The following TRAPPC9 variants were observed in gnomAD, a reference collection of about 807,000 sequenced individuals.
TRAPPC9 encodes the protein IKK2 binding protein.
TRAPPC9 carries 83 observed loss-of-function variants against 124.0 expected under a neutral mutation model. The ratio of observed to expected loss-of-function variants is 0.67; its 90% CI spans 0.56 to 0.80. The LOEUF is 0.80. TRAPPC9 is among the 30% of genes least tolerant of loss of function. The probability of loss-of-function intolerance (pLI) is 0.00; values close to 1 mark genes in which losing one functional copy is unlikely to be tolerated. For synonymous variants in TRAPPC9, 638 were observed against 617.5 expected, an observed-to-expected ratio of 1.03 and a Z score of -0.49; for missense variants, 1,302 against 1,508.3, an observed-to-expected ratio of 0.86 and a Z score of 2.27.
At chr8:140,217,638 G>A (rs1055448905) in intron 17 of TRAPPC9, among the ~76,000 whole-genome samples, 1 of 152,140 alleles carries the variant, frequency 6.6e-6, no homozygotes, top group Non-Finnish European at 1.5e-5. Context: ...AATTCCCGGG[G>A]CCTGCCTGTG....
chr8:140,093,536 C>T (rs1297045206), intron 17 of TRAPPC9, among the ~76,000 whole-genome samples: 9 of 152,042 alleles, frequency 5.9e-5, no homozygotes, highest in Non-Finnish European at 8.8e-5. Flanking sequence ...GGCATGATGG[C>T]GTGTGCCTGT....
intron 19 of TRAPPC9, among the ~76,000 whole-genome samples, chr8:139,948,273 A>G (rs1426784655): frequency 1.3e-5 from 2 of 151,524 alleles, no homozygotes; most frequent in African/African-American, 4.8e-5. Context: ...ACACACACAC[A>G]CACACACACA....
At chr8:139,792,346 G>C (rs1004491628) in intron 21 of TRAPPC9, among the ~76,000 whole-genome samples, 1 of 152,214 alleles carries the variant, frequency 6.6e-6, no homozygotes, top group African/African-American at 2.4e-5. Context: ...GGCAGGAAAG[G>C]CCTAGAGGCA....
At chr8:140,446,696 A>G (rs997555097) in intron 2 of TRAPPC9, among the ~76,000 whole-genome samples, 2 of 152,160 alleles carry the variant, frequency 1.3e-5, no homozygotes, top group African/African-American at 4.8e-5. Flanking sequence ...CTGGGACTAC[A>G]GGCACATGAC....
At position 139,956,143 on chromosome 8, in the gene TRAPPC9, A is replaced by G. The variant is rs181970387; in HGVS notation, c.2810+32583T>C. Among the ~76,000 whole-genome samples, 16 of 150,588 alleles carry G rather than the reference A, an allele frequency of 1.1e-4. No individual in the cohort carries two copies. In the East Asian group the frequency reaches 2.7e-3, roughly 26 times the overall value. On this transcript the variant is annotated intron_variant, in intron 19 of 22. Transcript: ENST00000438773. ...TGTTCTTTCGTGCATTTCACCCTACATGGGATGTTGTTTCGTTTTTTTTTT... is the reference window on the plus strand; with the variant it reads ...TGTTCTTTCGTGCATTTCACCCTACGTGGGATGTTGTTTCGTTTTTTTTTT...
At chr8:140,229,592 A>G (rs1035116387) in intron 16 of TRAPPC9, among the ~76,000 whole-genome samples, 1 of 150,256 alleles carries the variant, frequency 6.7e-6, no homozygotes, top group Non-Finnish European at 1.5e-5. Context: ...TTTTTGAGAC[A>G]GAGTCTTACT....
chr8:140,086,507 C>T (rs1256406152), intron 17 of TRAPPC9, among the ~76,000 whole-genome samples: 1 of 152,206 alleles, frequency 6.6e-6, no homozygotes, highest in Non-Finnish European at 1.5e-5. Flanking sequence ...TGGTGCCCAG[C>T]TCCTGCTGCC....
chr8:140,037,031 G>A (rs6991611), intron 17 of TRAPPC9, among the ~76,000 whole-genome samples: 11,352 of 151,558 alleles, frequency 0.075, 965 homozygotes, highest in African/African-American at 0.21. Flanking sequence ...GTGTGTGACC[G>A]TCACATTATT....
At chr8:139,794,600 C>T (rs528848607) in intron 21 of TRAPPC9, among the ~76,000 whole-genome samples, 5 of 152,334 alleles carry the variant, frequency 3.3e-5, no homozygotes, top group Non-Finnish European at 7.4e-5. Flanking sequence ...TGCCCAGCAA[C>T]TGTGTGCTCC....
chr8:140,166,752 G>A (rs907819409), intron 17 of TRAPPC9, among the ~76,000 whole-genome samples: 1 of 152,210 alleles, frequency 6.6e-6, no homozygotes, highest in African/African-American at 2.4e-5. Flanking sequence ...CCTGCACCTA[G>A]AGCTTAGCCA....
chr8:140,019,861 CTTCTTT>C (rs1173612425), intron 18 of TRAPPC9, among the ~76,000 whole-genome samples: 1 of 151,650 alleles, frequency 6.6e-6, no homozygotes, highest in African/African-American at 2.4e-5. Context: ...CGTCATTTTT[CTTCTTT>C]TTAAGAGACA....
In TRAPPC9 at chr8:140,370,683, C is replaced by T. The variant is rs146118689; in HGVS notation, c.1351+281G>A. ...TCTCATGAGTAAAATTCATTAGGTA[C>T]TTCCACTGTTTGATTGATGATGACA... On this transcript the variant is annotated intron_variant, in intron 8 of 22. Coordinates refer to ENST00000438773, the MANE Select transcript of TRAPPC9 (RefSeq NM_001160372.4). Among the ~76,000 whole-genome samples the T allele has an allele frequency of 5.4e-4, 83 of 152,302 alleles. No individual in the cohort carries two copies. The East Asian group carries it at 0.015, about 28-fold the overall frequency.
chr8:139,778,627 T>C (rs1821563103), intron 21 of TRAPPC9, among the ~76,000 whole-genome samples: 1 of 152,142 alleles, frequency 6.6e-6, no homozygotes, highest in Non-Finnish European at 1.5e-5. Context: ...ATATATAACA[T>C]CTCAGATAAA....
At chr8:140,401,651 T>C (rs1271639181) in intron 6 of TRAPPC9, among the ~76,000 whole-genome samples, 1 of 151,968 alleles carries the variant, frequency 6.6e-6, no homozygotes, top group Non-Finnish European at 1.5e-5. Flanking sequence ...TGAGACAGAG[T>C]CTTGCTCTGT....
chr8:140,359,243 T>C (rs1330743612), intron 9 of TRAPPC9, among the ~76,000 whole-genome samples: 1 of 152,056 alleles, frequency 6.6e-6, no homozygotes, highest in Non-Finnish European at 1.5e-5. Context: ...TACGTCCCAA[T>C]ACACTCTGCA....
intron 2 of TRAPPC9, among the ~76,000 whole-genome samples, chr8:140,448,813 G>C (rs1588377278): frequency 6.6e-6 from 1 of 152,232 alleles, no homozygotes. Context: ...AACAAGGTGA[G>C]GTAGAAAGGC....
At chr8:140,240,904 C>T (rs916301595) in intron 16 of TRAPPC9, among the ~76,000 whole-genome samples, 1 of 152,200 alleles carries the variant, frequency 6.6e-6, no homozygotes, top group Non-Finnish European at 1.5e-5. Flanking sequence ...TTGTCAGCGG[C>T]TCTCCAGTAT....
chr8:139,756,701 G>A (rs1218617050), intron 21 of TRAPPC9, among the ~76,000 whole-genome samples: 1 of 138,060 alleles, frequency 7.2e-6, no homozygotes, highest in Non-Finnish European at 1.5e-5. Flanking sequence ...GGAGGAGCCA[G>A]GCTTTGGGGA....
At chr8:139,890,326 G>A (rs1199849543) in intron 20 of TRAPPC9, among the ~76,000 whole-genome samples, 1 of 152,248 alleles carries the variant, frequency 6.6e-6, no homozygotes, top group Admixed American at 6.5e-5. Context: ...CTAAGGAGGT[G>A]CCCTGCTCCA....
Sources: allele counts gnomAD v4.1 joint callset (sites outside exome capture counted in the v4.1 genomes callset), GRCh38; gene constraint gnomAD v4.1.1; transcripts MANE v1.5; gene names NCBI Gene and HGNC (gene_info 2026-07-23, HGNC 2026-07-21).